TEX9: variants seen among roughly 807,000 people sequenced by gnomAD.
TEX9 encodes the protein testis-expressed protein 9.
In TEX9, 74 loss-of-function variants were observed where a neutral mutation model predicts 59.6. The observed-to-expected ratio is 1.24, with a 90% CI of 1.03 to 1.51. TEX9 has a LOEUF of 1.51. Ranked by LOEUF, TEX9 falls within the 40% of genes most tolerant of loss-of-function variation. The pLI is 0.00. For synonymous variants in TEX9, 186 were observed against 152.2 expected (o/e 1.22, Z -1.64); for missense variants, 522 against 447.8 (o/e 1.17, Z -1.49).
chr15:56,288,642 CT>C (rs78066568), intron 1 of TEX9, among the ~76,000 whole-genome samples: 67,550 of 151,866 alleles, frequency 0.44, 16,165 homozygotes, highest in Non-Finnish European at 0.55. Context: ...CAATTTGTTT[CT>C]TTTCTCTTGC....
chr15:56,345,172 C>T lies in TEX9; in HGVS notation c.-106-28269C>T, dbSNP rs375525321. 4.6e-5 allele frequency among the ~76,000 whole-genome samples: 7 copies of T among 151,350 alleles called. No individual in the cohort carries two copies. In the East Asian group the frequency reaches 1.4e-3, roughly 29 times the overall value. ...ATGCAGATATTCTGGGAGAGCTTAT[C>T]TCCTCCCAGATTAAGAGACCTCCAC... On this transcript the variant is annotated intron_variant, in intron 1 of 5. Coordinates refer to the TEX9 transcript ENST00000560827.
intron 1 of TEX9, among the ~76,000 whole-genome samples, chr15:56,313,592 A>G (rs1201789168): frequency 0.029 from 3,837 of 132,636 alleles, 130 homozygotes; most frequent in East Asian, 0.089. Flanking sequence ...TTCATCAAGG[A>G]TATTGGTCTA....
chr15:56,325,338 A>G (rs1382201795), intron 1 of TEX9, among the ~76,000 whole-genome samples: 3 of 152,178 alleles, frequency 2.0e-5, no homozygotes, highest in Non-Finnish European at 1.5e-5. Context: ...ACAGAAATGG[A>G]GCCATGTTTT....
intron 1 of TEX9, among the ~76,000 whole-genome samples, chr15:56,273,537 A>G (rs575324372): frequency 1.3e-5 from 2 of 152,304 alleles, no homozygotes; most frequent in African/African-American, 2.4e-5. Context: ...TATCTTTTAG[A>G]GCAATTAAAA....
chr15:56,434,090 T>C (rs2050672664), intron 12 of TEX9: 5 of 1,570,114 alleles, frequency 3.2e-6, no homozygotes, highest in African/African-American at 1.4e-5. Context: ...AGATGAGCTA[T>C]TGCTGTTTAA....
In TEX9 at chr15:56,272,868, A is replaced by G. The variant is rs538809032; in HGVS notation, c.-107+28590A>G. Among the ~76,000 whole-genome samples, 9 of 151,734 alleles carry G rather than the reference A, an allele frequency of 5.9e-5. No homozygotes were observed. In the South Asian group the frequency reaches 1.5e-3, roughly 25 times the overall value. On this transcript the variant is annotated intron_variant, in intron 1 of 5. Transcript: ENST00000560827. ...CTGCTATTTATGTAATTTGTCCTTTATTCTCTTTCTGTCTTTTTCTGTCTG... is the reference window on the plus strand; with the variant it reads ...CTGCTATTTATGTAATTTGTCCTTTGTTCTCTTTCTGTCTTTTTCTGTCTG...
At chr15:56,258,812 T>TA (rs1423092646) in intron 1 of TEX9, among the ~76,000 whole-genome samples, 1 of 151,568 alleles carries the variant, frequency 6.6e-6, no homozygotes, top group Non-Finnish European at 1.5e-5. Flanking sequence ...GCTCATTTTG[T>TA]TTATTGATTT....
At chr15:56,245,340 C>A (rs2043823656) in intron 1 of TEX9, among the ~76,000 whole-genome samples, 1 of 152,170 alleles carries the variant, frequency 6.6e-6, no homozygotes, top group African/African-American at 2.4e-5. Flanking sequence ...CACCTGTGTG[C>A]AAAATAAGCC....
intron 10 of TEX9, among the ~76,000 whole-genome samples, chr15:56,418,870 C>G (rs1485004564): frequency 2.0e-5 from 3 of 151,816 alleles, no homozygotes; most frequent in Non-Finnish European, 4.4e-5. Context: ...TTAAAAACAT[C>G]CAATGAGCAT....
At chr15:56,355,874 A>G (rs142654657) in intron 1 of TEX9, among the ~76,000 whole-genome samples, 1 of 152,210 alleles carries the variant, frequency 6.6e-6, no homozygotes, top group East Asian at 1.9e-4. Context: ...ACTAATTATG[A>G]ACATACTAAT....
chr15:56,387,755 A>T (rs1213635119), intron 4 of TEX9, among the ~76,000 whole-genome samples: 2 of 151,966 alleles, frequency 1.3e-5, no homozygotes, highest in African/African-American at 4.8e-5. Flanking sequence ...TGGGCTGTAT[A>T]GTCTGTTGTA....
chr15:56,387,270 T>G (rs987796424), intron 4 of TEX9, among the ~76,000 whole-genome samples: 11 of 151,856 alleles, frequency 7.2e-5, no homozygotes, highest in African/African-American at 2.7e-4. Context: ...TATGTATGCA[T>G]GTATGTTGGG....
At chr15:56,460,009 A>AAAAAAAAAAAAAATATATAT in the TEX9 span, among the ~76,000 whole-genome samples, 9 of 26,382 alleles carry the variant, frequency 3.4e-4, 1 homozygote, top group South Asian at 1.5e-3. Flanking sequence ...AAAAAAAAAA[A>AAAAAAAAAAAAAATATATAT]ATACATATAT....
At chr15:56,318,801 T>G (rs775815837) in intron 1 of TEX9, among the ~76,000 whole-genome samples, 1 of 152,164 alleles carries the variant, frequency 6.6e-6, no homozygotes, top group African/African-American at 2.4e-5. Context: ...TTTGCTCCGA[T>G]ATAGCTCCAC....
At chr15:56,264,828 C>T (rs1386930671) in intron 1 of TEX9, among the ~76,000 whole-genome samples, 2 of 152,134 alleles carry the variant, frequency 1.3e-5, no homozygotes, top group African/African-American at 4.8e-5. Flanking sequence ...CAACAGATGT[C>T]CTTTTCCACA....
At chr15:56,427,887 C>A (rs1461113612) in intron 11 of TEX9, 148 bp downstream of exon 11, 5 of 611,194 alleles carry the variant, frequency 8.2e-6, no homozygotes, top group Non-Finnish European at 1.3e-5. Context: ...CATATGAAAT[C>A]TAACATTTAT....
At chr15:56,431,600 CTATT>C (rs1446838568) in intron 12 of TEX9, 25 of 1,075,864 alleles carry the variant, frequency 2.3e-5, no homozygotes, top group Non-Finnish European at 3.1e-5. Context: ...AATTGATGAA[CTATT>C]TATGACACTA....
intron 1 of TEX9, among the ~76,000 whole-genome samples, chr15:56,271,701 A>G (rs2044536486): frequency 6.6e-6 from 1 of 152,216 alleles, no homozygotes; most frequent in African/African-American, 2.4e-5. Context: ...TGTATGGCAT[A>G]TGACTTTCTA....
chr15:56,452,926 T>A, the TEX9 span, among the ~76,000 whole-genome samples: 4 of 152,150 alleles, frequency 2.6e-5, no homozygotes, highest in African/African-American at 9.7e-5. Context: ...AAGACCAAAC[T>A]TGCAAGGAGG....
Sources: gnomAD v4.1 joint callset for allele counts (sites outside exome capture counted in the v4.1 genomes callset) on GRCh38, gnomAD v4.1.1 for gene constraint, MANE v1.5 for transcripts, NCBI Gene and HGNC (gene_info 2026-07-23, HGNC 2026-07-21) for gene names.